POLA1: variants seen among roughly 807,000 people sequenced by gnomAD.
The protein encoded by POLA1 is DNA polymerase alpha catalytic subunit.
A neutral mutation model predicts 124.0 loss-of-function variants in POLA1; 15 were observed. The ratio of observed to expected loss-of-function variants is 0.12; its 90% CI spans 0.08 to 0.19. The LOEUF (loss-of-function observed/expected upper bound fraction) is 0.19, where lower values mean the gene tolerates loss of function less well. Among genes scored for constraint, POLA1 ranks in the 10% least tolerant of loss-of-function variants. The probability of loss-of-function intolerance (pLI) is 1.00; values close to 1 mark genes in which losing one functional copy is unlikely to be tolerated. For missense variants in POLA1, 886 were observed against 1,103.4 expected (o/e 0.80, Z 2.79); for synonymous variants, 408 against 389.4 (o/e 1.05, Z -0.56).
intron 1 of POLA1, among the ~76,000 whole-genome samples, chrX:24,697,902 T>C (rs369242471): frequency 9.0e-6 from 1 of 111,331 alleles, no homozygotes; most frequent in Non-Finnish European, 1.9e-5. Flanking sequence ...ACTTAGTTTT[T>C]CATCAGTGGG....
intron 36 of POLA1, among the ~76,000 whole-genome samples, chrX:24,941,512 G>A (rs756694353): frequency 7.9e-4 from 89 of 112,355 alleles, no homozygotes; most frequent in African/African-American, 2.6e-3. Context: ...AACCCTGTAG[G>A]CCCAGGCCAA....
rs1171262514 is a variant in POLA1, at chrX:24,817,607, C to CAA, written c.3429+2514_3429+2515dup. 5.0e-3 allele frequency among the ~76,000 whole-genome samples: 168 copies of CAA among 33,427 alleles called. 1 individual carries two copies. The highest frequency in any genetic ancestry group is 0.014 in the African/African-American group (152 of 10,875). 29.0% of individuals were successfully genotyped at this position (33,427 alleles called of 115,157 possible). On this transcript the variant is annotated intron_variant, in intron 30 of 36. Transcript: ENST00000379068. Reference sequence around the variant, plus strand: ...TGGGCGACAGAGCAAGATTCCATCTCAAAAAAAAAAAAAAAAAAAGAAAAG... The same window carrying CAA: ...TGGGCGACAGAGCAAGATTCCATCTCAAAAAAAAAAAAAAAAAAAAAGAAAAG...
At chrX:24,709,258 C>G (rs1602255916) in intron 4 of POLA1, among the ~76,000 whole-genome samples, 1 of 94,555 alleles carries the variant, frequency 1.1e-5, no homozygotes, top group African/African-American at 4.4e-5. Flanking sequence ...CCCCCCACCT[C>G]CCTCCCGGAC....
intron 36 of POLA1, among the ~76,000 whole-genome samples, chrX:24,970,044 G>A (rs2048282718): frequency 8.9e-6 from 1 of 112,230 alleles, no homozygotes; most frequent in Admixed American, 9.5e-5. Context: ...GTGTATATGT[G>A]CCACATTTTC....
intron 34 of POLA1, among the ~76,000 whole-genome samples, chrX:24,862,362 C>T (rs191122175): frequency 1.7e-4 from 19 of 111,376 alleles, no homozygotes; most frequent in Admixed American, 1.5e-3. Context: ...TTTCTAGAAA[C>T]GTGGGGAAAA....
chrX:24,876,788 A>G (rs1185185523), intron 34 of POLA1, among the ~76,000 whole-genome samples: 1 of 111,454 alleles, frequency 9.0e-6, no homozygotes, highest in African/African-American at 3.3e-5. Flanking sequence ...TAATTAATCA[A>G]GTTAGAAATT....
At chrX:24,853,227 T>C (rs2046588954) in intron 34 of POLA1, among the ~76,000 whole-genome samples, 1 of 112,441 alleles carries the variant, frequency 8.9e-6, no homozygotes, top group African/African-American at 3.2e-5. Context: ...TCAAACCTTT[T>C]GGTTTGTGGG....
chrX:24,944,107 AT>A (rs1436958404), intron 36 of POLA1, among the ~76,000 whole-genome samples: 2 of 112,044 alleles, frequency 1.8e-5, no homozygotes, highest in African/African-American at 3.2e-5. Flanking sequence ...CTTAAAAAAA[AT>A]ATCTCTATAG....
chrX:24,923,212 A>C (rs2047642558), intron 35 of POLA1, among the ~76,000 whole-genome samples: 1 of 111,973 alleles, frequency 8.9e-6, no homozygotes, highest in Non-Finnish European at 1.9e-5. Flanking sequence ...GACCAGTGGC[A>C]CTTCCCCTAA....
Position 24,742,084 on chromosome X carries a change from C to G in POLA1, c.2429C>G (p.Pro810Arg), listed in dbSNP as rs745745566. 1 of 1,206,010 alleles carries G rather than the reference C, an allele frequency of 8.3e-7. No individual in the cohort carries two copies. The highest frequency in any genetic ancestry group is 1.7e-5 in the African/African-American group (1 of 57,406). Residue 810 changes from proline (P) to arginine (R), a missense_variant, in exon 22 of 37, where the codon CCT becomes CGT. Transcript: ENST00000379068. ...TTTTACGAAAACAACTATATTGTGC[C>G]TGACAAGCAGATTTTCAGAAAGCCT... The part of the protein sequence containing the change: ...HAFYENNYIV[P>R]DKQIFRKPQQ...
chrX:24,886,975 G>A (rs2047073162), intron 34 of POLA1, among the ~76,000 whole-genome samples: 1 of 111,493 alleles, frequency 9.0e-6, no homozygotes, highest in Admixed American at 9.6e-5. Flanking sequence ...CCTACTGGGG[G>A]CTCCACAGGT....
chrX:24,809,925 C>A lies in POLA1; in HGVS notation c.2992C>A (p.Gln998Lys). Residue 998 changes from glutamine (Q) to lysine (K), a missense_variant, in exon 27 of 37, where the codon CAA becomes AAA. Gln to Lys is a moderately conservative substitution (Grantham distance 53, BLOSUM62 1). Coordinates refer to ENST00000379068, the MANE Select transcript of POLA1 (RefSeq NM_001330360.2). ...TTTGATGCATACGAAAGAGATGGTA[C>A]AAAAGGTAATGTTGAGCATTTTCAT... ...EILMHTKEMV[Q>K]KMNLEVIYGD... 9.2e-7 allele frequency: 1 copy of A among 1,090,681 alleles called. No homozygotes were observed. Among genetic ancestry groups the A allele is most frequent in the Non-Finnish European group, 1.3e-6 (1 of 797,944 alleles). The allele number at this position is 1,090,681 out of a possible 1,213,427, so 89.9% of individuals were successfully genotyped here.
intron 28 of POLA1, among the ~76,000 whole-genome samples, chrX:24,812,450 C>CT (rs1418714774): frequency 3.6e-5 from 4 of 110,802 alleles, no homozygotes; most frequent in East Asian, 2.8e-4. Context: ...CTCTCTCTCT[C>CT]TTTTTTTTAA....
intron 36 of POLA1, among the ~76,000 whole-genome samples, chrX:24,987,229 A>G (rs2048489635): frequency 8.9e-6 from 1 of 111,824 alleles, no homozygotes; most frequent in Non-Finnish European, 1.9e-5. Context: ...GAACTTGGAA[A>G]TGATCCTTGC....
chrX:24,806,767 G>A (rs568654598), intron 26 of POLA1, among the ~76,000 whole-genome samples: 88 of 112,133 alleles, frequency 7.8e-4, no homozygotes, highest in Middle Eastern at 4.6e-3. Flanking sequence ...TGTAAATTAC[G>A]TATGTATAGG....
chrX:24,733,847 TG>T (rs756818549), intron 17 of POLA1, 31 bp downstream of exon 17: 266 of 841,714 alleles, frequency 3.2e-4, no homozygotes, highest in South Asian at 5.5e-4. Context: ...AGCACCTGTT[TG>T]TTTGGAGCGA....
At chrX:24,970,754 TG>T (rs1189032674) in intron 36 of POLA1, among the ~76,000 whole-genome samples, 1 of 112,238 alleles carries the variant, frequency 8.9e-6, no homozygotes, top group Non-Finnish European at 1.9e-5. Context: ...TAATCCAGGG[TG>T]TTTTTTTTAA....
At chrX:24,930,572 C>T in intron 36 of POLA1, 23 bp downstream of exon 36, 1 of 973,193 alleles carries the variant, frequency 1.0e-6, no homozygotes, top group Non-Finnish European at 1.5e-6. Context: ...ACTGTAATTA[C>T]CTTTGAGTTT....
At chrX:24,786,015 G>A (rs2045354400) in intron 26 of POLA1, among the ~76,000 whole-genome samples, 1 of 112,413 alleles carries the variant, frequency 8.9e-6, no homozygotes, top group Non-Finnish European at 1.9e-5. Flanking sequence ...GTTCATCCAT[G>A]TTGTTGCAAA....
Sources: allele counts gnomAD v4.1 joint callset (sites outside exome capture counted in the v4.1 genomes callset), GRCh38; gene constraint gnomAD v4.1.1; transcripts MANE v1.5; gene names NCBI Gene and HGNC (gene_info 2026-07-23, HGNC 2026-07-21).